Variants in TBC1D32 observed in about 807,000 individuals in gnomAD.
TBC1D32 encodes the protein protein broad-minded.
Under a neutral mutation model 170.3 loss-of-function variants are expected in TBC1D32, and 151 were observed. The ratio of observed to expected loss-of-function variants is 0.89; its 90% confidence interval spans 0.78 to 1.01. TBC1D32 has a LOEUF of 1.01. TBC1D32 is among the 50% of genes least tolerant of loss of function. The pLI, the probability that TBC1D32 is intolerant of heterozygous loss-of-function variation, is 0.00. For synonymous variants in TBC1D32, 498 were observed against 488.0 expected (o/e 1.02, Z -0.27); for missense variants, 1,464 against 1,457.1 (o/e 1.00, Z -0.08).
At chr6:121,310,319 T>C (rs1379158299) in intron 4 of TBC1D32, among the ~76,000 whole-genome samples, 1 of 152,158 alleles carries the variant, frequency 6.6e-6, no homozygotes, top group African/African-American at 2.4e-5. Context: ...TAGCCATTCC[T>C]CAGTGTATAC....
chr6:121,312,718 C>T (rs1563360960), intron 3 of TBC1D32, among the ~76,000 whole-genome samples: 1 of 152,146 alleles, frequency 6.6e-6, no homozygotes, highest in Non-Finnish European at 1.5e-5. Context: ...TATAGTTATG[C>T]TTTGATGTAC....
intron 15 of TBC1D32, among the ~76,000 whole-genome samples, chr6:121,271,888 G>A (rs1171833952): frequency 6.6e-6 from 1 of 152,062 alleles, no homozygotes; most frequent in Non-Finnish European, 1.5e-5. Flanking sequence ...AAAACAGCAT[G>A]GTACTGGTAC....
At chr6:121,278,620 C>T (rs1238685896) in intron 15 of TBC1D32, among the ~76,000 whole-genome samples, 2 of 152,050 alleles carry the variant, frequency 1.3e-5, no homozygotes, top group Non-Finnish European at 2.9e-5. Flanking sequence ...AATCATGTTT[C>T]ATTCTGTATT....
At chr6:121,089,940 T>C (rs939461886) in intron 31 of TBC1D32, among the ~76,000 whole-genome samples, 6 of 151,560 alleles carry the variant, frequency 4.0e-5, no homozygotes, top group African/African-American at 1.5e-4. Flanking sequence ...AAGATTCTTT[T>C]TTTTTTTTTT....
Position 121,191,999 on chromosome 6 carries a change from T to C in TBC1D32, c.2570+13076A>G, listed in dbSNP as rs540953798. The stretch of plus-strand genomic sequence containing the variant: ...AGACTTGGACTGGCTCTCCTTGCTC[T>C]TCAAGCTCACAGACAGCCTATTGTG... On this transcript the variant is annotated intron_variant, in intron 22 of 31. Coordinates refer to ENST00000398212, the MANE Select transcript of TBC1D32 (RefSeq NM_152730.6). Among the ~76,000 whole-genome samples the C allele has an allele frequency of 5.3e-5, 8 of 151,258 alleles. No homozygotes were observed. In the East Asian group the frequency reaches 1.6e-3, roughly 30 times the overall value.
rs144229683 is a variant in TBC1D32 at position 121,311,843 on chromosome 6, G to A, written c.496-996C>T. 5.3e-4 allele frequency among the ~76,000 whole-genome samples: 81 copies of A among 152,190 alleles called. No homozygotes were observed. In the East Asian group the frequency reaches 0.015, roughly 28 times the overall value. On this transcript the variant is annotated intron_variant, in intron 3 of 31. Coordinates refer to ENST00000398212, the MANE Select transcript of TBC1D32 (RefSeq NM_152730.6). ...TAGTTCAACCATTGTGGAAGACAGC[G>A]TGGCTATTCCTCAAGGATCTAGAAC...
Position 121,317,656 on chromosome 6 carries a change from G to T in TBC1D32, c.334C>A (p.His112Asn), listed in dbSNP as rs1159906190. 6.2e-7 allele frequency: 1 copy of T among 1,602,962 alleles called. No individual in the cohort carries two copies. ...QESKEYKEMM[H>N]YLKNIMIAVV... Reference sequence around the variant, plus strand: ...GCTATCATAATGTTCTTCAGGTAATGCATCATTTCTTTGTACCTTTAAATT... The same window carrying T: ...GCTATCATAATGTTCTTCAGGTAATTCATCATTTCTTTGTACCTTTAAATT... Residue 112 changes from histidine (H) to asparagine (N), a missense_variant, in exon 3 of 32, where the codon CAT (histidine) becomes AAT (asparagine). Physicochemically the swap from His to Asn is moderately conservative, Grantham distance 68 (BLOSUM62 1). Around this residue, in one of 3 missense-constraint regions of TBC1D32, gnomAD observed 1,363 missense variants for 1,338.1 expected, o/e 1.02. Coordinates refer to ENST00000398212, the MANE Select transcript of TBC1D32 (RefSeq NM_152730.6).
chr6:121,122,157 G>A (rs1456527295), intron 26 of TBC1D32, among the ~76,000 whole-genome samples: 1 of 151,712 alleles, frequency 6.6e-6, no homozygotes, highest in Admixed American at 6.6e-5. Context: ...CATTCAATCT[G>A]TTAACCAATT....
intron 30 of TBC1D32, 91 bp downstream of exon 30, chr6:121,105,932 T>C (rs1012745948): frequency 3.0e-5 from 39 of 1,285,290 alleles, no homozygotes; most frequent in African/African-American, 1.8e-4. Context: ...TTTATTAATT[T>C]AAAGGTATTT....
chr6:121,192,085 C>CATATATATATATATATATATAAAA (rs1221051008), intron 22 of TBC1D32, among the ~76,000 whole-genome samples: 1 of 66,354 alleles, frequency 1.5e-5, no homozygotes, highest in Non-Finnish European at 3.1e-5. Flanking sequence ...TATATATATC[C>CATATATATATATATATATATAAAA]TATTAGTTCT....
chr6:121,223,463 T>C, intron 20 of TBC1D32, 111 bp from the exon 21 acceptor site: 1 of 723,696 alleles, frequency 1.4e-6, no homozygotes, highest in African/African-American at 1.8e-5. Context: ...CATTTTTAAA[T>C]ATACCTAATT....
At position 121,160,038 on chromosome 6, in the gene TBC1D32, G is replaced by A; in HGVS notation, c.2745C>T (p.Asp915=). The A allele has an allele frequency of 6.2e-7, 1 of 1,607,076 alleles. No individual in the cohort carries two copies. The highest frequency in any genetic ancestry group is 8.5e-7 in the Non-Finnish European group (1 of 1,174,518). The part of the protein sequence containing the change: ...SYPLPNCYLS[D]ITRNAGIKQD... ...GTTTTATACCAGCATTTCTTGTAAT[G>A]TCTGACAGATAGCAGTTTGGCAATG... The change falls in exon 24 of 32, where the codon GAC becomes GAT. Residue 915 remains aspartate (D), a synonymous_variant. Transcript: ENST00000398212.
At chr6:121,131,862 T>A in intron 24 of TBC1D32, 110 bp from the exon 25 acceptor site, 2 of 719,690 alleles carry the variant, frequency 2.8e-6, no homozygotes, top group Non-Finnish European at 4.2e-6. Flanking sequence ...TACATATGGC[T>A]TTCAAAGGAA....
rs532167662 is a variant in TBC1D32 at position 121,236,512 on chromosome 6, T to C, written c.2364+2558A>G. ...CAATTTAAAAGACCAAATTAGATTATAAATGAAAAAAGAATCCCTTAGGGA... is the reference window on the plus strand; with the variant it reads ...CAATTTAAAAGACCAAATTAGATTACAAATGAAAAAAGAATCCCTTAGGGA... On this transcript the variant is annotated intron_variant, in intron 20 of 31. Transcript: ENST00000398212. Among the ~76,000 whole-genome samples, 6 of 152,138 alleles carry C rather than the reference T, an allele frequency of 3.9e-5. No individual in the cohort carries two copies. In the East Asian group the frequency reaches 1.2e-3, roughly 29 times the overall value.
At chr6:121,284,705 A>G (rs528774382) in intron 12 of TBC1D32, among the ~76,000 whole-genome samples, 37 of 152,240 alleles carry the variant, frequency 2.4e-4, no homozygotes, top group African/African-American at 8.7e-4. Context: ...TACAAACTCA[A>G]TTTTCAGGTG....
intron 24 of TBC1D32, among the ~76,000 whole-genome samples, chr6:121,138,002 G>A (rs1032400757): frequency 4.6e-5 from 7 of 152,032 alleles, no homozygotes; most frequent in African/African-American, 1.4e-4. Flanking sequence ...GTATTATCCT[G>A]AAGTTTATTT....
intron 17 of TBC1D32, among the ~76,000 whole-genome samples, chr6:121,253,200 A>G (rs763051970): frequency 1.9e-4 from 29 of 152,208 alleles, no homozygotes; most frequent in Non-Finnish European, 3.8e-4. Flanking sequence ...AAACTATGCA[A>G]TGTCTAACAA....
chr6:121,213,769 C>T (rs1793457312), intron 21 of TBC1D32, among the ~76,000 whole-genome samples: 1 of 151,950 alleles, frequency 6.6e-6, no homozygotes, highest in Non-Finnish European at 1.5e-5. Flanking sequence ...ACAATGACAT[C>T]CTTCACAGAA....
chr6:121,275,748 T>A (rs1186542025), intron 15 of TBC1D32, among the ~76,000 whole-genome samples: 2 of 152,144 alleles, frequency 1.3e-5, no homozygotes, highest in African/African-American at 4.8e-5. Flanking sequence ...GCAATATCAC[T>A]TTCAGGACTA....
Sources: allele counts gnomAD v4.1 joint callset (sites outside exome capture counted in the v4.1 genomes callset), GRCh38; gene constraint gnomAD v4.1.1; regional missense constraint gnomAD v4.1.1; transcripts MANE v1.5; gene names NCBI Gene and HGNC (gene_info 2026-07-23, HGNC 2026-07-21).